The following ADGRL3 variants were observed in gnomAD, a reference collection of about 807,000 sequenced individuals.
The protein encoded by ADGRL3 is calcium-independent alpha-latrotoxin receptor 3.
A neutral mutation model predicts 153.5 loss-of-function variants in ADGRL3; 62 were observed. That is an observed-to-expected ratio of 0.40 (90% CI 0.33 to 0.50). The LOEUF (loss-of-function observed/expected upper bound fraction) is 0.50. Ranked by LOEUF, ADGRL3 falls within the 20% of genes least tolerant of loss-of-function variation. The probability of loss-of-function intolerance (pLI) is 0.47; values close to 1 mark genes in which losing one functional copy is unlikely to be tolerated. For missense variants in ADGRL3, 1,641 were observed against 1,859.4 expected (o/e 0.88, Z 2.16); for synonymous variants, 710 against 672.5 (o/e 1.06, Z -0.86).
At chr4:61,504,963 C>A (rs1213702618) in intron 3 of ADGRL3, among the ~76,000 whole-genome samples, 2 of 152,032 alleles carry the variant, frequency 1.3e-5, no homozygotes, top group African/African-American at 4.8e-5. Flanking sequence ...TCTTTCTTTT[C>A]CACATATACC....
chr4:61,654,854 A>T (rs1473403806), intron 5 of ADGRL3, among the ~76,000 whole-genome samples: 1 of 152,090 alleles, frequency 6.6e-6, no homozygotes, highest in Non-Finnish European at 1.5e-5. Context: ...CCGAGATCTC[A>T]CTACTGCACT....
chr4:61,873,391 G>C (rs964592359), intron 9 of ADGRL3, among the ~76,000 whole-genome samples: 1 of 152,132 alleles, frequency 6.6e-6, no homozygotes, highest in Non-Finnish European at 1.5e-5. Context: ...GAGATGCTTT[G>C]TATTTTGTGC....
At chr4:61,301,317 TG>T (rs2094575092) in intron 1 of ADGRL3, among the ~76,000 whole-genome samples, 2 of 152,212 alleles carry the variant, frequency 1.3e-5, no homozygotes, top group Admixed American at 6.5e-5. Flanking sequence ...TAGCCAGCAA[TG>T]AGAAGATTGG....
intron 23 of ADGRL3, among the ~76,000 whole-genome samples, chr4:62,036,439 T>C (rs967094257): frequency 9.9e-5 from 15 of 152,048 alleles, no homozygotes; most frequent in African/African-American, 3.4e-4. Context: ...CCTATCTCTA[T>C]CATTTTTCTT....
chr4:62,003,036 T>C (rs2099145976), intron 21 of ADGRL3, among the ~76,000 whole-genome samples: 1 of 152,124 alleles, frequency 6.6e-6, no homozygotes, highest in Non-Finnish European at 1.5e-5. Flanking sequence ...AATTAACGAA[T>C]GTATTTCAAA....
At chr4:61,343,514 T>A (rs1445292398) in intron 1 of ADGRL3, among the ~76,000 whole-genome samples, 3 of 152,192 alleles carry the variant, frequency 2.0e-5, no homozygotes, top group Admixed American at 6.6e-5. Context: ...CAGGCTCTGG[T>A]CCTGTCTCGT....
intron 2 of ADGRL3, among the ~76,000 whole-genome samples, chr4:61,388,623 T>C (rs1322446552): frequency 6.6e-6 from 1 of 152,170 alleles, no homozygotes; most frequent in Non-Finnish European, 1.5e-5. Flanking sequence ...CAAATCACAG[T>C]CCTCTTCTGT....
chr4:61,598,362 G>T (rs1248641887), intron 5 of ADGRL3, among the ~76,000 whole-genome samples: 3 of 152,122 alleles, frequency 2.0e-5, no homozygotes, highest in African/African-American at 7.2e-5. Context: ...TTACACATGA[G>T]TGAACGTGAA....
chr4:61,361,652 C>T (rs1253323242), intron 1 of ADGRL3, among the ~76,000 whole-genome samples: 2 of 152,042 alleles, frequency 1.3e-5, no homozygotes, highest in Non-Finnish European at 2.9e-5. Context: ...CAGTTTGTGG[C>T]ACACAATAAA....
rs1273640427 is a variant in ADGRL3 at position 61,324,883 on chromosome 4, C to T, written c.-239-58241C>T. Among the ~76,000 whole-genome samples the T allele has an allele frequency of 3.9e-5, 6 of 152,216 alleles. 1 individual carries two copies. Among genetic ancestry groups the T allele is most frequent in the Admixed American group, 3.9e-4 (6 of 15,284 alleles). Reference sequence around the variant, plus strand: ...TTGGCATGGAAAGAAACTAAATTTTCACTAATCATTTGCATAGTGTAATTC... The same window carrying T: ...TTGGCATGGAAAGAAACTAAATTTTTACTAATCATTTGCATAGTGTAATTC... On this transcript the variant is annotated intron_variant, in intron 1 of 26. Transcript: ENST00000683033.
chr4:61,750,192 A>C (rs963235433), intron 8 of ADGRL3, among the ~76,000 whole-genome samples: 9 of 150,734 alleles, frequency 6.0e-5, no homozygotes, highest in South Asian at 2.1e-4. Context: ...TAAAAAAAAA[A>C]AAAAAAAAAA....
intron 2 of ADGRL3, among the ~76,000 whole-genome samples, chr4:61,438,859 C>T (rs912812510): frequency 2.6e-5 from 4 of 151,962 alleles, no homozygotes; most frequent in Non-Finnish European, 5.9e-5. Flanking sequence ...AGGCGCCCGC[C>T]ACCACGCCCG....
intron 4 of ADGRL3, among the ~76,000 whole-genome samples, chr4:61,560,175 T>C (rs1310451047): frequency 6.6e-6 from 1 of 152,118 alleles, no homozygotes; most frequent in Non-Finnish European, 1.5e-5. Context: ...TTGTCACTAC[T>C]TATTTGCCTC....
intron 2 of ADGRL3, among the ~76,000 whole-genome samples, chr4:61,387,390 G>A (rs372256283): frequency 7.9e-5 from 12 of 152,012 alleles, no homozygotes; most frequent in South Asian, 4.1e-4. Flanking sequence ...GAGATCAACC[G>A]GTCTGACTAA....
At chr4:61,228,405 T>G (rs1245544994) in intron 1 of ADGRL3, among the ~76,000 whole-genome samples, 3 of 152,320 alleles carry the variant, frequency 2.0e-5, no homozygotes, top group Admixed American at 2.0e-4. Context: ...TCCATGTGGT[T>G]GTGGATATAG....
intron 8 of ADGRL3, among the ~76,000 whole-genome samples, chr4:61,769,494 G>A (rs1452829499): frequency 6.6e-6 from 1 of 150,718 alleles, no homozygotes; most frequent in Non-Finnish European, 1.5e-5. Flanking sequence ...GAGGACAGGG[G>A]ATTGATCTCC....
Position 61,540,679 on chromosome 4 carries a change from AT to A in ADGRL3, c.259+23162del, listed in dbSNP as rs1285612156. 7.2e-5 allele frequency among the ~76,000 whole-genome samples: 11 copies of A among 152,360 alleles called. No homozygotes were observed. The South Asian group carries it at 2.1e-3, about 29-fold the overall frequency. ...TCCTAAAACTGGATTGAATGTAGCGATACTTTTAGGGACAATATTTGAGAAT... is the reference window on the plus strand; with the variant it reads ...TCCTAAAACTGGATTGAATGTAGCGAACTTTTAGGGACAATATTTGAGAAT... On this transcript the variant is annotated intron_variant, in intron 4 of 26. Transcript: ENST00000683033.
intron 11 of ADGRL3, among the ~76,000 whole-genome samples, chr4:61,897,720 C>A (rs952998328): frequency 2.0e-5 from 3 of 152,118 alleles, no homozygotes; most frequent in Non-Finnish European, 2.9e-5. Context: ...ATTTTATCCC[C>A]CACCTCCCCA....
At chr4:61,326,520 A>G (rs2095468949) in intron 1 of ADGRL3, among the ~76,000 whole-genome samples, 1 of 151,108 alleles carries the variant, frequency 6.6e-6, no homozygotes, top group African/African-American at 2.4e-5. Context: ...TTTTTATTAT[A>G]TTTTATTTAG....
Sources: allele counts gnomAD v4.1 joint callset (sites outside exome capture counted in the v4.1 genomes callset), GRCh38; gene constraint gnomAD v4.1.1; transcripts MANE v1.5; gene names NCBI Gene and HGNC (gene_info 2026-07-23, HGNC 2026-07-21).